STAMBP: variants seen among roughly 807,000 people sequenced by gnomAD.
The protein encoded by STAMBP is STAM binding protein.
Under a neutral mutation model 50.7 loss-of-function variants are expected in STAMBP, and 31 were observed. That is an observed-to-expected ratio of 0.61 (90% CI 0.46 to 0.83). The LOEUF (loss-of-function observed/expected upper bound fraction) is 0.83. Ranked by LOEUF, STAMBP falls within the 40% of genes least tolerant of loss-of-function variation. The pLI, the probability that STAMBP is intolerant of heterozygous loss-of-function variation, is 0.00. For synonymous variants in STAMBP, 211 were observed against 192.4 expected, an observed-to-expected ratio of 1.10 and a Z score of -0.80; for missense variants, 472 against 518.9, an observed-to-expected ratio of 0.91 and a Z score of 0.88.
intron 7 of STAMBP, chr2:73,855,573 G>A: frequency 2.2e-6 from 1 of 455,972 alleles, no homozygotes; most frequent in Non-Finnish European, 4.4e-6. Flanking sequence ...AGGTGGTGTT[G>A]GCACAGGCCA....
chr2:73,836,727 T>C (rs1021013117), intron 2 of STAMBP, among the ~76,000 whole-genome samples: 7 of 152,172 alleles, frequency 4.6e-5, no homozygotes, highest in African/African-American at 1.7e-4. Flanking sequence ...GAGGGTGGCC[T>C]CAGCTGAGCT....
Position 73,830,844 on chromosome 2 carries a change from G to C in STAMBP, c.-12-1G>C. Reference sequence around the variant, plus strand: ...GATGCCATCTGTTTTTTCTGTCTCAGAACTTGGTCCTGATGTCTGACCATG... The same window carrying C: ...GATGCCATCTGTTTTTTCTGTCTCACAACTTGGTCCTGATGTCTGACCATG... On this transcript the variant is annotated splice_acceptor_variant, in intron 1 of 9. Coordinates refer to ENST00000394070, the MANE Select transcript of STAMBP (RefSeq NM_213622.4). LOFTEE classifies it low-confidence loss of function (5UTR_SPLICE). 1 of 1,611,550 alleles carries C rather than the reference G, an allele frequency of 6.2e-7. No homozygotes were observed. Among genetic ancestry groups the C allele is most frequent in the Non-Finnish European group, 8.5e-7 (1 of 1,179,452 alleles).
intron 2 of STAMBP, among the ~76,000 whole-genome samples, chr2:73,837,938 GTGT>G (rs1273851911): frequency 6.6e-6 from 1 of 152,164 alleles, no homozygotes; most frequent in East Asian, 1.9e-4. Context: ...AGAGAGAATG[GTGT>G]TGTGTCATGG....
At chr2:73,861,980 A>G (rs1169852227) in intron 9 of STAMBP, among the ~76,000 whole-genome samples, 1 of 152,012 alleles carries the variant, frequency 6.6e-6, no homozygotes, top group African/African-American at 2.4e-5. Context: ...TCTACTAAAA[A>G]CACAAAATTA....
At chr2:73,859,688 A>C (rs1421986959) in intron 8 of STAMBP, among the ~76,000 whole-genome samples, 2 of 143,050 alleles carry the variant, frequency 1.4e-5, no homozygotes, top group East Asian at 4.0e-4. Flanking sequence ...AATATAAAAA[A>C]ATAAAAAATA....
chr2:73,837,980 G>C (rs1482446382), intron 2 of STAMBP, among the ~76,000 whole-genome samples: 5 of 152,184 alleles, frequency 3.3e-5, no homozygotes, highest in Non-Finnish European at 7.4e-5. Flanking sequence ...GTTTGAAAAA[G>C]GAGAGTAGCC....
Position 73,862,358 on chromosome 2 carries a change from A to G in STAMBP, c.*99A>G. ...TAGAAAGCTTTGGAAGTTTTTGTAGATAGTAGAAAGGGGGGCATCACCTGA... is the reference window on the plus strand; with the variant it reads ...TAGAAAGCTTTGGAAGTTTTTGTAGGTAGTAGAAAGGGGGGCATCACCTGA... On this transcript the variant is annotated 3_prime_UTR_variant, in exon 10 of 10. Transcript: ENST00000394070. 9.1e-7 allele frequency: 1 copy of G among 1,093,128 alleles called. No individual in the cohort carries two copies. Among genetic ancestry groups the G allele is most frequent in the Non-Finnish European group, 1.3e-6 (1 of 779,454 alleles). The allele number at this position is 1,093,128 out of a possible 1,614,324, so 67.7% of individuals were successfully genotyped here.
chr2:73,832,764 C>T lies in STAMBP; in HGVS notation c.203+1705C>T, dbSNP rs142927447. ...CAGATGCCAGTATCCCCCCTCCCCG[C>T]AGTGTGACAACCAAAAATGTCACCA... On this transcript the variant is annotated intron_variant, in intron 2 of 9. Transcript: ENST00000394070. Among the ~76,000 whole-genome samples, 187 of 152,290 alleles carry T rather than the reference C, an allele frequency of 1.2e-3. 5 individuals are homozygous for T. Among genetic ancestry groups the T allele is most frequent in the East Asian group, 7.1e-3 (37 of 5,186 alleles).
chr2:73,861,527 T>C (rs1227636938), intron 9 of STAMBP, among the ~76,000 whole-genome samples: 1 of 151,804 alleles, frequency 6.6e-6, no homozygotes, highest in African/African-American at 2.4e-5. Context: ...TTTTTGTTTT[T>C]GTTTTTGTTT....
At chr2:73,852,919 T>TGTAG (rs1485376646) in intron 7 of STAMBP, among the ~76,000 whole-genome samples, 3 of 107,420 alleles carry the variant, frequency 2.8e-5, no homozygotes, top group African/African-American at 6.0e-5. Context: ...GTTGGCCAGG[T>TGTAG]GTGTGTGTGT....
At chr2:73,870,906 C>G (rs983423072), downstream of STAMBP, among the ~76,000 whole-genome samples, 3 of 152,112 alleles carry the variant, frequency 2.0e-5, no homozygotes, top group Admixed American at 1.3e-4. Context: ...ATACACCTTT[C>G]CCATGTTGTA....
Position 73,866,045 on chromosome 2 carries a change from T to C in STAMBP, c.*3786T>C, listed in dbSNP as rs1678854183. 1 of 152,300 alleles carries C rather than the reference T, an allele frequency of 6.6e-6. No homozygotes were observed. Among genetic ancestry groups the C allele is most frequent in the Admixed American group, 6.5e-5 (1 of 15,290 alleles). 9.4% of individuals were successfully genotyped at this position (152,300 alleles called of 1,614,324 possible). A position where few individuals can be genotyped will look rare whatever the true frequency, so the allele number is the denominator to read the frequency against. Reference sequence around the variant, plus strand: ...CCACTCTTGTTTGAACCTCCCACTTTTGTTGTTCCAACTACTTCTTGAGAT... The same window carrying C: ...CCACTCTTGTTTGAACCTCCCACTTCTGTTGTTCCAACTACTTCTTGAGAT... On this transcript the variant is annotated 3_prime_UTR_variant, in exon 10 of 10. Coordinates refer to ENST00000394070, the MANE Select transcript of STAMBP (RefSeq NM_213622.4).
Position 73,847,616 on chromosome 2 carries a change from A to G in STAMBP, c.605A>G (p.Lys202Arg), listed in dbSNP as rs769363652. The G allele has an allele frequency of 6.2e-7, 1 of 1,614,226 alleles. No individual in the cohort carries two copies. The highest frequency in any genetic ancestry group is 2.2e-5 in the East Asian group (1 of 44,886). Residue 202 changes from lysine (K) to arginine (R), a missense_variant, in exon 5 of 10, where the codon AAG (lysine) becomes AGG (arginine). Physicochemically the swap from Lys to Arg is conservative, Grantham distance 26. Coordinates refer to ENST00000394070, the MANE Select transcript of STAMBP (RefSeq NM_213622.4). ...LGGPLVPDLEKPSLDVFPTLT... is the reference protein window; with the variant it reads ...LGGPLVPDLERPSLDVFPTLT... The stretch of plus-strand genomic sequence containing the variant: ...GGCCCGCTAGTGCCTGACTTGGAGA[A>G]GCCCTCCTTAGATGTGTTCCCCACC...
rs138161537 is a variant in STAMBP, at chr2:73,850,513, T to C, written c.1005T>C (p.His335=). The C allele has an allele frequency of 1.6e-4, 251 of 1,612,918 alleles. 1 individual carries two copies. In the African/African-American group the frequency reaches 2.9e-3, roughly 19 times the overall value. Residue 335 remains histidine, a splice_region_variant and synonymous_variant, in exon 7 of 10, where the codon CAT becomes CAC. Transcript: ENST00000394070. This position sits in a 1 kb window ranked among gnomAD's most constrained non-coding sequence, Gnocchi z 4.3. The part of the protein sequence containing the change: ...QQGLITLGWI[H]THPTQTAFLS... ...GCCTCATCACACTGGGCTGGATTCA[T>C]GTAAGCAATTCTGAGCTGTCCGAGA... is the stretch of plus-strand genomic sequence containing the variant.
downstream of STAMBP, among the ~76,000 whole-genome samples, chr2:73,869,572 AAG>A (rs1017563308): frequency 8.6e-5 from 13 of 152,020 alleles, no homozygotes; most frequent in Middle Eastern, 3.2e-3. Flanking sequence ...GAAAGAAAAA[AAG>A]AATTTTGGGG....
rs1678893171 is a variant in STAMBP at position 73,866,373 on chromosome 2, T to C, written c.*4114T>C. ...TTTCCCACAATTTGTTGTGTGTGTT[T>C]TTTGTTGTTTTGCAGCGTTTTCATA... is the stretch of plus-strand genomic sequence containing the variant. On this transcript the variant is annotated 3_prime_UTR_variant, in exon 10 of 10. Transcript: ENST00000394070. 6.6e-6 allele frequency: 1 copy of C among 152,248 alleles called. No homozygotes were observed. Among genetic ancestry groups the C allele is most frequent in the South Asian group, 2.1e-4 (1 of 4,832 alleles). 9.4% of individuals were successfully genotyped at this position (152,248 alleles called of 1,614,324 possible).
chr2:73,858,513 G>A (rs922233248), intron 7 of STAMBP, among the ~76,000 whole-genome samples: 1 of 152,000 alleles, frequency 6.6e-6, no homozygotes, highest in African/African-American at 2.4e-5. Context: ...TGCATATATT[G>A]TGGAATGGGA....
In STAMBP at chr2:73,830,896, C is replaced by T. The variant is rs754609431; in HGVS notation, c.40C>T (p.Arg14Trp). ...HGDVSLPPED[R>W]VRALSQLGSA... ...AGATGTGAGCCTCCCGCCCGAAGAC[C>T]GGGTGAGGGCTCTCTCCCAGCTGGG... Residue 14 changes from arginine (R) to tryptophan (W), a missense_variant, in exon 2 of 10, where the codon CGG (arginine) becomes TGG (tryptophan). Transcript: ENST00000394070. 4 of 1,613,812 alleles carry T rather than the reference C, an allele frequency of 2.5e-6. No individual in the cohort carries two copies. In the South Asian group the frequency reaches 3.3e-5, roughly 13 times the overall value.
At chr2:73,855,552 C>T (rs561104107) in intron 7 of STAMBP, 38 of 455,142 alleles carry the variant, frequency 8.3e-5, no homozygotes, top group African/African-American at 6.8e-4. Flanking sequence ...GGACTCTAAC[C>T]ATGGGATGGA....
Sources: allele counts gnomAD v4.1 joint callset (sites outside exome capture counted in the v4.1 genomes callset), GRCh38; gene constraint gnomAD v4.1.1; non-coding constraint Gnocchi (gnomAD v3.1); transcripts MANE v1.5; gene names NCBI Gene and HGNC (gene_info 2026-07-23, HGNC 2026-07-21).